AVEN: variants seen among roughly 807,000 people sequenced by gnomAD.
The protein encoded by AVEN is apoptosis and caspase activation inhibitor, also known as cell death regulator Aven.
A neutral mutation model predicts 38.1 loss-of-function variants in AVEN; 41 were observed. That is an observed-to-expected ratio of 1.08 (90% CI 0.84 to 1.40). AVEN has a LOEUF of 1.40. Among genes scored for constraint, AVEN ranks in the 40% most tolerant of loss-of-function variants. The pLI, the probability that AVEN is intolerant of heterozygous loss-of-function variation, is 0.00. For synonymous variants in AVEN, 206 were observed against 171.8 expected (o/e 1.20, Z -1.56); for missense variants, 605 against 438.8 (o/e 1.38, Z -3.38).
At chr15:33,951,082 T>TG (rs1336282062) in intron 2 of AVEN, among the ~76,000 whole-genome samples, 6 of 116,364 alleles carry the variant, frequency 5.2e-5, no homozygotes, top group African/African-American at 2.0e-4. Flanking sequence ...AAGAGGCGAG[T>TG]GGGGGGAGGA....
the AVEN span, chr15:33,852,005 A>AC: frequency 6.7e-6 from 1 of 150,238 alleles, no homozygotes; most frequent in African/African-American, 2.5e-5. Context: ...GCTTTAACAA[A>AC]CCAAAAAAAA....
At chr15:33,908,092 A>G (rs1027359216) in intron 2 of AVEN, among the ~76,000 whole-genome samples, 6 of 152,234 alleles carry the variant, frequency 3.9e-5, no homozygotes, top group Non-Finnish European at 7.3e-5. Flanking sequence ...TTGTATTGTG[A>G]TAAGATATAC....
intron 2 of AVEN, among the ~76,000 whole-genome samples, chr15:33,933,906 C>CCT (rs1176974599): frequency 6.6e-6 from 1 of 152,092 alleles, no homozygotes; most frequent in East Asian, 1.9e-4. Flanking sequence ...TTGCAGTGAG[C>CCT]CAAGATTGCA....
rs545761493 is a variant in AVEN at position 34,075,081 on chromosome 15, G to A, written n.75C>T. Among the ~76,000 whole-genome samples the A allele has an allele frequency of 1.5e-4, 23 of 150,948 alleles. No individual in the cohort carries two copies. In the South Asian group the frequency reaches 4.8e-3, roughly 32 times the overall value. On this transcript the variant is annotated non_coding_transcript_exon_variant, in exon 1 of 12. Transcript: ENST00000675287. ...AGTCCCAGTTACTCAGGAGGCTGAG[G>A]CAGGAGAATCAGTTGAACCCGGGAG...
chr15:33,865,286 C>T, downstream of AVEN: 1 of 1,207,010 alleles, frequency 8.3e-7, no homozygotes, highest in Non-Finnish European at 1.2e-6. Context: ...ATAAAGTCCC[C>T]TTTTTACAGT....
intron 1 of AVEN, among the ~76,000 whole-genome samples, chr15:34,007,539 C>G (rs767572483): frequency 1.3e-5 from 2 of 152,184 alleles, no homozygotes; most frequent in Non-Finnish European, 2.9e-5. Context: ...TTTCTACCAA[C>G]AGTATCTTCA....
chr15:34,020,050 A>G (rs879538270), intron 1 of AVEN, among the ~76,000 whole-genome samples: 41 of 152,314 alleles, frequency 2.7e-4, no homozygotes, highest in Admixed American at 2.5e-3. Flanking sequence ...AGTGGTTCAC[A>G]CCTGTAATCC....
downstream of AVEN, chr15:33,865,571 G>C (rs560272482): frequency 6.7e-5 from 14 of 210,196 alleles, no homozygotes; most frequent in Non-Finnish European, 1.3e-4. Context: ...TCTCGAATGT[G>C]TAATACCTGA....
chr15:33,984,336 G>A (rs1450469767), intron 2 of AVEN, among the ~76,000 whole-genome samples: 1 of 151,664 alleles, frequency 6.6e-6, no homozygotes, highest in East Asian at 1.9e-4. Context: ...ATTTTATTAA[G>A]TTAATCTACA....
Position 33,866,536 on chromosome 15 carries a change from G to C in AVEN, c.*77C>G. ...TTGAGACATGCTTGTAAACTGGCTG[G>C]TCCTGAAGGACAGCCTTATGCCCAC... On this transcript the variant is annotated 3_prime_UTR_variant, in exon 6 of 6. Transcript: ENST00000306730. 9.4e-7 allele frequency: 1 copy of C among 1,058,628 alleles called. No homozygotes were observed. Among genetic ancestry groups the C allele is most frequent in the Non-Finnish European group, 1.4e-6 (1 of 690,514 alleles). The allele number at this position is 1,058,628 out of a possible 1,614,324, so 65.6% of individuals were successfully genotyped here.
At chr15:34,034,870 T>C (rs1899042808) in intron 1 of AVEN, among the ~76,000 whole-genome samples, 1 of 152,174 alleles carries the variant, frequency 6.6e-6, no homozygotes, top group Non-Finnish European at 1.5e-5. Flanking sequence ...CTAACCAAAT[T>C]TGCTTCAGGC....
chr15:34,034,303 T>A (rs1899010459), intron 1 of AVEN, among the ~76,000 whole-genome samples: 4 of 152,054 alleles, frequency 2.6e-5, no homozygotes, highest in Admixed American at 2.6e-4. Flanking sequence ...TAGTTGGGTA[T>A]GGTGGTTCAC....
At chr15:33,955,267 T>A (rs55689341) in intron 2 of AVEN, among the ~76,000 whole-genome samples, 64 of 151,800 alleles carry the variant, frequency 4.2e-4, no homozygotes, top group East Asian at 2.3e-3. Context: ...GGTTGAATTT[T>A]AAAAAAAAAT....
chr15:33,854,391 T>C (rs1014332640), downstream of AVEN: 4 of 1,571,880 alleles, frequency 2.5e-6, no homozygotes, highest in African/African-American at 5.4e-5. Context: ...TTCTCTAGGC[T>C]AAGTTCCATA....
At chr15:33,977,894 G>A (rs1173874021) in intron 2 of AVEN, among the ~76,000 whole-genome samples, 4 of 151,626 alleles carry the variant, frequency 2.6e-5, no homozygotes, top group Non-Finnish European at 2.9e-5. Context: ...CTGTGAACAC[G>A]CCACTGCACT....
intron 5 of AVEN, among the ~76,000 whole-genome samples, chr15:34,056,716 G>A (rs866734314): frequency 2.0e-5 from 3 of 152,172 alleles, no homozygotes; most frequent in African/African-American, 4.8e-5. Context: ...CCTAGAGGTA[G>A]AGCGCCCACC....
At chr15:34,012,501 C>T (rs1051780946) in intron 1 of AVEN, among the ~76,000 whole-genome samples, 2 of 152,150 alleles carry the variant, frequency 1.3e-5, no homozygotes, top group African/African-American at 4.8e-5. Context: ...GTACATCTGC[C>T]TCTCTGTTCC....
intron 4 of AVEN, among the ~76,000 whole-genome samples, chr15:33,870,380 G>C (rs529621620): frequency 1.3e-5 from 2 of 152,238 alleles, no homozygotes; most frequent in South Asian, 2.1e-4. Context: ...AAAGCTGACT[G>C]GGTCTTTCTC....
intron 2 of AVEN, among the ~76,000 whole-genome samples, chr15:33,968,099 T>TAAAAAAA (rs71119906): frequency 0.05 from 1,285 of 25,756 alleles, 416 homozygotes; most frequent in East Asian, 0.1. Context: ...TAGCAAAGCT[T>TAAAAAAA]AAAAAAAAAA....
Sources: allele counts gnomAD v4.1 joint callset (sites outside exome capture counted in the v4.1 genomes callset), GRCh38; gene constraint gnomAD v4.1.1; transcripts MANE v1.5; gene names NCBI Gene and HGNC (gene_info 2026-07-23, HGNC 2026-07-21).